Variants in MALRD1 observed in about 807,000 individuals in gnomAD.
The protein encoded by MALRD1 is MAM and LDL receptor class A domain containing 1.
MALRD1 carries 247 observed loss-of-function variants against 242.1 expected under a neutral mutation model. The ratio of observed to expected loss-of-function variants is 1.02; its 90% CI spans 0.92 to 1.13. MALRD1 has a LOEUF of 1.13. Among genes scored for constraint, MALRD1 ranks in the 50% most tolerant of loss-of-function variants. The pLI is 0.00. For synonymous variants in MALRD1, 995 were observed against 866.6 expected (o/e 1.15, Z -2.60); for missense variants, 2,989 against 2,533.1 (o/e 1.18, Z -3.86).
intron 19 of MALRD1, among the ~76,000 whole-genome samples, chr10:19,274,131 T>C (rs182640805): frequency 4.6e-5 from 7 of 152,284 alleles, no homozygotes; most frequent in African/African-American, 1.4e-4. Context: ...TTCAGATACA[T>C]ATCCAAAATA....
intron 36 of MALRD1, among the ~76,000 whole-genome samples, chr10:19,664,933 G>A (rs1453134421): frequency 6.6e-6 from 1 of 151,772 alleles, no homozygotes; most frequent in Non-Finnish European, 1.5e-5. Flanking sequence ...CAAAAATTTA[G>A]GTTTAAACCA....
intron 36 of MALRD1, among the ~76,000 whole-genome samples, chr10:19,649,998 C>T (rs1437853901): frequency 6.6e-6 from 1 of 152,034 alleles, no homozygotes. Flanking sequence ...TTCCCCATTG[C>T]TTGTTTTTGT....
At chr10:19,158,076 G>A (rs548095959) in intron 12 of MALRD1, among the ~76,000 whole-genome samples, 1 of 152,290 alleles carries the variant, frequency 6.6e-6, no homozygotes, top group East Asian at 1.9e-4. Context: ...AACAGAACAC[G>A]AGGGAGCCCA....
At chr10:19,081,121 G>A (rs1835477502) in intron 2 of MALRD1, among the ~76,000 whole-genome samples, 1 of 152,098 alleles carries the variant, frequency 6.6e-6, no homozygotes, top group Non-Finnish European at 1.5e-5. Flanking sequence ...AACAACAGAT[G>A]CTAGCCAGGA....
intron 26 of MALRD1, among the ~76,000 whole-genome samples, chr10:19,356,375 C>T (rs911026250): frequency 2.6e-5 from 4 of 151,912 alleles, no homozygotes; most frequent in African/African-American, 9.7e-5. Flanking sequence ...TTGGTGCAAG[C>T]GAGTTAAGGA....
chr10:19,111,898 A>C (rs2131354899), intron 5 of MALRD1, among the ~76,000 whole-genome samples: 1 of 152,326 alleles, frequency 6.6e-6, no homozygotes, highest in South Asian at 2.1e-4. Flanking sequence ...GAAAAACATA[A>C]AGCATTATGG....
At chr10:19,224,845 G>C (rs1837722748) in intron 18 of MALRD1, among the ~76,000 whole-genome samples, 1 of 152,134 alleles carries the variant, frequency 6.6e-6, no homozygotes, top group South Asian at 2.1e-4. Flanking sequence ...AGTTTAATTA[G>C]ATCCCATTTC....
intron 38 of MALRD1, chr10:19,710,567 G>C (rs1403406265): frequency 6.6e-6 from 1 of 152,160 alleles, no homozygotes; most frequent in African/African-American, 2.4e-5. Flanking sequence ...TTATTACTAA[G>C]TATCCCAGGT....
At chr10:19,053,638 A>C (rs1834574878) in intron 1 of MALRD1, among the ~76,000 whole-genome samples, 1 of 152,164 alleles carries the variant, frequency 6.6e-6, no homozygotes, top group Admixed American at 6.5e-5. Context: ...TTTTTGAAGC[A>C]GCAACTATCA....
chr10:19,243,212 C>A (rs541796693), intron 18 of MALRD1, among the ~76,000 whole-genome samples: 202 of 146,846 alleles, frequency 1.4e-3, no homozygotes, highest in African/African-American at 5.0e-3. Flanking sequence ...TTCTCCCCCG[C>A]CACACACACA....
At chr10:19,047,223 G>A (rs1834358897), upstream of MALRD1, among the ~76,000 whole-genome samples, 2 of 152,156 alleles carry the variant, frequency 1.3e-5, no homozygotes, top group African/African-American at 2.4e-5. Context: ...ACAATCTACA[G>A]GTTCCTTACT....
intron 29 of MALRD1, among the ~76,000 whole-genome samples, chr10:19,454,087 A>C (rs1835485031): frequency 6.6e-6 from 1 of 152,090 alleles, no homozygotes; most frequent in South Asian, 2.1e-4. Context: ...AATTCTGGAA[A>C]GATGGCAATT....
At chr10:19,245,383 G>T (rs940172797) in intron 18 of MALRD1, among the ~76,000 whole-genome samples, 1 of 151,992 alleles carries the variant, frequency 6.6e-6, no homozygotes, top group Non-Finnish European at 1.5e-5. Context: ...ATAGACTAGG[G>T]AAAACATAGC....
At chr10:19,457,584 T>A (rs1010074283) in intron 29 of MALRD1, among the ~76,000 whole-genome samples, 2 of 151,884 alleles carry the variant, frequency 1.3e-5, no homozygotes, top group Non-Finnish European at 2.9e-5. Context: ...CTAAAAGAAA[T>A]TTGAACTAAG....
At chr10:19,106,973 C>T (rs984270467) in intron 5 of MALRD1, among the ~76,000 whole-genome samples, 1 of 151,794 alleles carries the variant, frequency 6.6e-6, no homozygotes, top group Non-Finnish European at 1.5e-5. Flanking sequence ...TAGTTTTATT[C>T]CGTTTTGGCT....
At chr10:19,478,439 T>A (rs1242363888) in intron 29 of MALRD1, among the ~76,000 whole-genome samples, 2 of 152,282 alleles carry the variant, frequency 1.3e-5, no homozygotes, top group Admixed American at 1.3e-4. Flanking sequence ...AATATAGCAA[T>A]TAGAAAATAT....
At chr10:19,546,482 G>A (rs1475247639) in intron 32 of MALRD1, among the ~76,000 whole-genome samples, 1 of 152,144 alleles carries the variant, frequency 6.6e-6, no homozygotes, top group African/African-American at 2.4e-5. Context: ...TGTCTGTTCT[G>A]GGTACAAATG....
intron 31 of MALRD1, among the ~76,000 whole-genome samples, chr10:19,508,209 G>A (rs544035613): frequency 1.3e-5 from 2 of 152,164 alleles, no homozygotes; most frequent in South Asian, 4.1e-4. Context: ...AAAGAGTTGT[G>A]GATGGATGGA....
chr10:19,631,095 C>G (rs1208781135), intron 36 of MALRD1, among the ~76,000 whole-genome samples: 3 of 152,134 alleles, frequency 2.0e-5, no homozygotes, highest in Non-Finnish European at 4.4e-5. Flanking sequence ...TCACCCAGTA[C>G]TAAGTCTAAT....
Sources: allele counts gnomAD v4.1 joint callset (sites outside exome capture counted in the v4.1 genomes callset), GRCh38; gene constraint gnomAD v4.1.1; transcripts MANE v1.5; gene names NCBI Gene and HGNC (gene_info 2026-07-23, HGNC 2026-07-21).